COIL: variants seen among roughly 807,000 people sequenced by gnomAD.
COIL encodes coilin.
In COIL, 28 loss-of-function variants were observed where a neutral mutation model predicts 51.6. That is an observed-to-expected ratio of 0.54 (90% confidence interval 0.40 to 0.74). The LOEUF is 0.74. Ranked by LOEUF, COIL falls within the 30% of genes least tolerant of loss-of-function variation. The pLI, the probability that COIL is intolerant of heterozygous loss-of-function variation, is 0.00. For synonymous variants in COIL, 233 were observed against 255.8 expected (o/e 0.91, Z 0.85); for missense variants, 667 against 685.9 (o/e 0.97, Z 0.31).
In COIL at chr17:56,950,184, GGAC is replaced by G. The variant is rs780949014; in HGVS notation, c.1055_1057del (p.Arg352del). On this transcript the variant is annotated inframe_deletion, in exon 2 of 7. Transcript: ENST00000240316. ...AGTCTGTGATGACAGCCCTGGGCCT[GGAC>G]GACCTCTTCCTGCAAAAAGGCCTAC... The G allele has an allele frequency of 5.8e-5, 93 of 1,614,134 alleles. 1 individual carries two copies. In the Middle Eastern group the frequency reaches 8.7e-3, roughly 152 times the overall value.
At chr17:56,955,396 C>A (rs1305849596) in intron 1 of COIL, among the ~76,000 whole-genome samples, 4 of 152,180 alleles carry the variant, frequency 2.6e-5, no homozygotes, top group Non-Finnish European at 5.9e-5. Flanking sequence ...CTTTGCAAGG[C>A]AAACTGAGTG....
chr17:56,960,720 A>C, intron 1 of COIL, 55 bp downstream of exon 1: 4 of 1,171,652 alleles, frequency 3.4e-6, no homozygotes, highest in Non-Finnish European at 3.2e-6. Context: ...GGGCGTGCGC[A>C]GGCGCGTCCC....
chr17:56,956,068 C>T (rs772635286), intron 1 of COIL, among the ~76,000 whole-genome samples: 29 of 152,144 alleles, frequency 1.9e-4, no homozygotes, highest in Non-Finnish European at 2.6e-4. Context: ...TATGGTTGCA[C>T]ATGTATAGAA....
chr17:56,957,492 G>C (rs1234683679), intron 1 of COIL, among the ~76,000 whole-genome samples: 42 of 150,978 alleles, frequency 2.8e-4, no homozygotes, highest in Admixed American at 2.3e-3. Flanking sequence ...CATGGTGGCG[G>C]GTGCCTGTAA....
rs1242463456 is a variant in COIL, at chr17:56,949,893, A to G, written c.1349T>C (p.Ile450Thr). The change falls in exon 2 of 7, where the codon ATC becomes ACC. Residue 450 changes from isoleucine to threonine, a missense_variant. Ile to Thr is a moderately conservative substitution (Grantham distance 89). Coordinates refer to ENST00000240316, the MANE Select transcript of COIL (RefSeq NM_004645.3). ...NDVVKNSSTI[I>T]QNPVETPKKD... Reference sequence around the variant, plus strand: ...CTTACAAAAAATAATACTTACCTGGATAATAGTAGATGAATTTTTTACCAC... The same window carrying G: ...CTTACAAAAAATAATACTTACCTGGGTAATAGTAGATGAATTTTTTACCAC... The G allele has an allele frequency of 6.2e-7, 1 of 1,613,588 alleles. No individual in the cohort carries two copies. The highest frequency in any genetic ancestry group is 8.5e-7 in the Non-Finnish European group (1 of 1,179,764).
intron 6 of COIL, 146 bp from the exon 7 acceptor site, chr17:56,939,300 T>C (rs562522377): frequency 3.0e-5 from 18 of 600,984 alleles, no homozygotes; most frequent in African/African-American, 2.3e-4. Flanking sequence ...AATTGCAGTA[T>C]AGTAACTCTT....
intron 5 of COIL, among the ~76,000 whole-genome samples, chr17:56,945,946 C>A (rs758483162): frequency 2.6e-5 from 4 of 152,186 alleles, no homozygotes; most frequent in Non-Finnish European, 5.9e-5. Context: ...AAACTCCTGA[C>A]CTCAAGTGAT....
chr17:56,940,625 A>C (rs1567850194), intron 6 of COIL, among the ~76,000 whole-genome samples: 2 of 152,372 alleles, frequency 1.3e-5, no homozygotes, highest in East Asian at 3.9e-4. Flanking sequence ...TCTACCTTAA[A>C]GACAAGGTAA....
At chr17:56,955,083 G>A (rs1208335094) in intron 1 of COIL, among the ~76,000 whole-genome samples, 1 of 151,868 alleles carries the variant, frequency 6.6e-6, no homozygotes, top group African/African-American at 2.4e-5. Context: ...TTCTTTTTTC[G>A]AGATGGAATT....
intron 6 of COIL, among the ~76,000 whole-genome samples, chr17:56,940,433 C>A (rs936351005): frequency 2.0e-5 from 3 of 152,124 alleles, no homozygotes; most frequent in African/African-American, 4.8e-5. Context: ...TTCTATTCTA[C>A]TTCAAGTCTC....
chr17:56,958,235 C>G (rs898131884), intron 1 of COIL, among the ~76,000 whole-genome samples: 1 of 152,206 alleles, frequency 6.6e-6, no homozygotes, highest in Non-Finnish European at 1.5e-5. Flanking sequence ...CTTGGTCTAA[C>G]TATTCAGTCT....
intron 1 of COIL, 118 bp from the exon 2 acceptor site, chr17:56,951,114 G>A (rs1212570101): frequency 4.0e-6 from 4 of 992,858 alleles, no homozygotes; most frequent in Admixed American, 6.6e-5. Context: ...ATGAAAAAAT[G>A]TCACATCACT....
At chr17:56,948,754 C>G (rs186075636) in intron 4 of COIL, among the ~76,000 whole-genome samples, 1 of 149,496 alleles carries the variant, frequency 6.7e-6, no homozygotes, top group Non-Finnish European at 1.5e-5. Context: ...GTAAATTCCA[C>G]GGATAATATT....
intron 1 of COIL, among the ~76,000 whole-genome samples, chr17:56,954,355 G>A (rs977937977): frequency 1.3e-5 from 2 of 152,088 alleles, no homozygotes; most frequent in African/African-American, 4.8e-5. Context: ...AAGGTCAAGA[G>A]ATCGAGACCA....
chr17:56,940,177 T>G (rs912494294), intron 6 of COIL: 1 of 152,314 alleles, frequency 6.6e-6, no homozygotes, highest in African/African-American at 2.4e-5. Flanking sequence ...CAGGACTCAC[T>G]GCACCTTCCA....
intron 1 of COIL, among the ~76,000 whole-genome samples, chr17:56,955,642 C>T (rs1166206584): frequency 6.6e-6 from 1 of 152,088 alleles, no homozygotes. Context: ...AATTACAGTA[C>T]TCAGTGACTT....
In COIL at chr17:56,950,811, T is replaced by A; in HGVS notation, c.431A>T (p.Lys144Met). ...AGCTTTTGGTTCCAGATCCAAGACC[T>A]TCTCATTATTGTTATTGTTCTCTCG... The part of the protein sequence containing the change: ...KSRENNNNNE[K>M]VLDLEPKAVT... Residue 144 changes from lysine (K) to methionine (M), a missense_variant, in exon 2 of 7, where the codon AAG becomes ATG. Physicochemically the swap from Lys to Met is moderately conservative, Grantham distance 95. Coordinates refer to ENST00000240316, the MANE Select transcript of COIL (RefSeq NM_004645.3). 1 of 1,614,086 alleles carries A rather than the reference T, an allele frequency of 6.2e-7. No homozygotes were observed. The highest frequency in any genetic ancestry group is 1.3e-5 in the African/African-American group (1 of 75,048).
Position 56,950,251 on chromosome 17 carries a change from A to C in COIL, c.991T>G (p.Ser331Ala). 1 of 1,614,202 alleles carries C rather than the reference A, an allele frequency of 6.2e-7. No individual in the cohort carries two copies. Among genetic ancestry groups the C allele is most frequent in the Non-Finnish European group, 8.5e-7 (1 of 1,180,036 alleles). Reference protein sequence around the residue: ...AESDDQCLMSSSTPECAAGFL... With the variant: ...AESDDQCLMSASTPECAAGFL... ...CCCGCAGCACACTCCGGGGTGCTCG[A>C]TGACATCAAGCATTGGTCGTCTGAC... Residue 331 changes from serine (S) to alanine (A), a missense_variant, in exon 2 of 7, where the codon TCG (serine) becomes GCG (alanine). Physicochemically the swap from Ser to Ala is moderately conservative, Grantham distance 99 (BLOSUM62 1). Coordinates refer to ENST00000240316, the MANE Select transcript of COIL (RefSeq NM_004645.3).
chr17:56,958,713 G>A (rs181331812), intron 1 of COIL, among the ~76,000 whole-genome samples: 1 of 152,242 alleles, frequency 6.6e-6, no homozygotes, highest in African/African-American at 2.4e-5. Context: ...AATAGGATGG[G>A]ACACAATCCT....
Sources: gnomAD v4.1 joint callset for allele counts (sites outside exome capture counted in the v4.1 genomes callset) on GRCh38, gnomAD v4.1.1 for gene constraint, MANE v1.5 for transcripts, NCBI Gene and HGNC (gene_info 2026-07-23, HGNC 2026-07-21) for gene names.